DDX10: variants seen among roughly 807,000 people sequenced by gnomAD.
DDX10 encodes the protein DEAD-box helicase 10.
A neutral mutation model predicts 104.3 loss-of-function variants in DDX10; 74 were observed. The observed-to-expected ratio is 0.71, with a 90% CI of 0.59 to 0.86. The LOEUF is 0.86. Ranked by LOEUF, DDX10 falls within the 40% of genes least tolerant of loss-of-function variation. DDX10 has a pLI of 0.00. For synonymous variants in DDX10, 351 were observed against 353.4 expected (o/e 0.99, Z 0.08); for missense variants, 952 against 1,040.0 (o/e 0.92, Z 1.16).
chr11:108,881,200 A>G (rs1176482618), intron 16 of DDX10, among the ~76,000 whole-genome samples: 3 of 152,174 alleles, frequency 2.0e-5, no homozygotes, highest in Admixed American at 6.5e-5. Context: ...GCTTAATGGT[A>G]ATATTCCCCC....
chr11:108,677,391 G>A, intron 4 of DDX10, 148 bp downstream of exon 4: 1 of 656,344 alleles, frequency 1.5e-6, no homozygotes, highest in Non-Finnish European at 2.4e-6. Context: ...TGTGGTCGCT[G>A]CTATCTACGA....
intron 16 of DDX10, among the ~76,000 whole-genome samples, chr11:108,905,310 T>G (rs1863577983): frequency 8.7e-6 from 1 of 115,212 alleles, no homozygotes; most frequent in Admixed American, 9.7e-5. Context: ...TTAGATTGTT[T>G]AAGGGGGGGG....
chr11:108,851,226 G>C (rs1439399341), intron 15 of DDX10, among the ~76,000 whole-genome samples: 2 of 152,002 alleles, frequency 1.3e-5, no homozygotes, highest in African/African-American at 2.4e-5. Context: ...CATGGGGGGT[G>C]GGGTGGAAAG....
chr11:108,795,178 T>TC (rs1861923528), intron 13 of DDX10, among the ~76,000 whole-genome samples: 2 of 152,054 alleles, frequency 1.3e-5, no homozygotes, highest in Non-Finnish European at 2.9e-5. Context: ...TTCTTGGTAA[T>TC]GTTTGACTCA....
Position 108,722,995 on chromosome 11 carries a change from A to G in DDX10, c.1500-2A>G. On this transcript the variant is annotated splice_acceptor_variant, in intron 12 of 17. Coordinates refer to ENST00000322536, the MANE Select transcript of DDX10 (RefSeq NM_004398.4). LOFTEE classifies it high-confidence loss of function. ...CTGTTTTCACGTTTTTCCATATTTA[A>G]GGTCTCTTGGTCTTGCTGTGGCACC... 6.3e-7 allele frequency: 1 copy of G among 1,592,464 alleles called. No individual in the cohort carries two copies. Among genetic ancestry groups the G allele is most frequent in the Non-Finnish European group, 8.5e-7 (1 of 1,172,686 alleles).
At chr11:108,856,822 A>G (rs1862876364) in intron 16 of DDX10, among the ~76,000 whole-genome samples, 1 of 152,066 alleles carries the variant, frequency 6.6e-6, no homozygotes, top group Non-Finnish European at 1.5e-5. Context: ...TTTCAGTATT[A>G]TATTGAGTGA....
intron 10 of DDX10, 90 bp from the exon 11 acceptor site, chr11:108,715,789 A>T: frequency 1.5e-6 from 1 of 685,756 alleles, no homozygotes; most frequent in Admixed American, 2.8e-5. Flanking sequence ...ACATTTAAAA[A>T]TACTGAGGAA....
intron 13 of DDX10, among the ~76,000 whole-genome samples, chr11:108,813,022 T>A (rs1224543257): frequency 6.8e-6 from 1 of 146,080 alleles, no homozygotes; most frequent in Admixed American, 7.0e-5. Context: ...ATGAACAGAT[T>A]TGTACCAAGT....
intron 13 of DDX10, among the ~76,000 whole-genome samples, chr11:108,772,705 G>A (rs1021609862): frequency 2.0e-5 from 3 of 152,192 alleles, no homozygotes; most frequent in South Asian, 2.1e-4. Context: ...GCGGGTGAGC[G>A]GGCATTACCG....
chr11:108,820,714 A>C (rs1862315551), intron 13 of DDX10, among the ~76,000 whole-genome samples: 2 of 151,970 alleles, frequency 1.3e-5, no homozygotes, highest in South Asian at 4.1e-4. Flanking sequence ...ATGGTTTCAG[A>C]CTCTTTTGCT....
intron 12 of DDX10, 92 bp downstream of exon 12, chr11:108,719,977 C>T: frequency 2.4e-6 from 2 of 822,436 alleles, no homozygotes; most frequent in South Asian, 1.5e-5. Flanking sequence ...CTATGTTGCC[C>T]AGGCTGTCTC....
intron 15 of DDX10, among the ~76,000 whole-genome samples, chr11:108,851,557 CATTA>C: frequency 6.6e-6 from 1 of 150,508 alleles, no homozygotes; most frequent in East Asian, 1.9e-4. Context: ...ATCACTATTG[CATTA>C]ATTGGCTGCT....
intron 13 of DDX10, among the ~76,000 whole-genome samples, chr11:108,800,502 A>G (rs903482122): frequency 1.3e-5 from 2 of 148,854 alleles, no homozygotes; most frequent in African/African-American, 2.5e-5. Context: ...CCATTTGGCT[A>G]TGAATCTATC....
intron 10 of DDX10, among the ~76,000 whole-genome samples, chr11:108,714,778 G>T (rs543330431): frequency 6.6e-6 from 1 of 152,176 alleles, no homozygotes; most frequent in African/African-American, 2.4e-5. Context: ...AAACACCCTG[G>T]CTTGATTTGC....
intron 16 of DDX10, among the ~76,000 whole-genome samples, chr11:108,900,242 G>A (rs1863499192): frequency 6.6e-6 from 1 of 152,154 alleles, no homozygotes; most frequent in Non-Finnish European, 1.5e-5. Flanking sequence ...GATGCTTCTT[G>A]TATAGCCTGC....
At chr11:108,845,080 C>T (rs1254456226) in intron 15 of DDX10, among the ~76,000 whole-genome samples, 4 of 151,926 alleles carry the variant, frequency 2.6e-5, no homozygotes, top group Non-Finnish European at 4.4e-5. Flanking sequence ...TGATGGCGGG[C>T]GCCTGTAGTC....
intron 13 of DDX10, among the ~76,000 whole-genome samples, chr11:108,757,730 C>G (rs1454032324): frequency 6.6e-6 from 1 of 152,012 alleles, no homozygotes; most frequent in Non-Finnish European, 1.5e-5. Flanking sequence ...AACCTTCTGA[C>G]CCTTATAATC....
intron 17 of DDX10, among the ~76,000 whole-genome samples, chr11:108,932,492 C>T (rs1863987361): frequency 1.3e-5 from 2 of 151,878 alleles, no homozygotes; most frequent in African/African-American, 4.9e-5. Flanking sequence ...CACTTTTTGC[C>T]AGTCTCCAGT....
At chr11:108,759,606 C>T (rs1001724840) in intron 13 of DDX10, among the ~76,000 whole-genome samples, 8 of 152,026 alleles carry the variant, frequency 5.3e-5, no homozygotes, top group African/African-American at 1.9e-4. Flanking sequence ...TTATAGCCAA[C>T]AACTCTTGAG....
Sources: gnomAD v4.1 joint callset for allele counts (sites outside exome capture counted in the v4.1 genomes callset) on GRCh38, gnomAD v4.1.1 for gene constraint, MANE v1.5 for transcripts, NCBI Gene and HGNC (gene_info 2026-07-23, HGNC 2026-07-21) for gene names.